CCDC195: variants seen among roughly 807,000 people sequenced by gnomAD.
CCDC195 encodes coiled-coil domain containing 195.
intron 2 of CCDC195, among the ~76,000 whole-genome samples, chr2:224,707,295 C>T (rs1016574404): frequency 2.0e-5 from 3 of 152,224 alleles, no homozygotes; most frequent in African/African-American, 7.2e-5. Context: ...TCACTGGAAT[C>T]GGGTAGAAGG....
At chr2:224,712,225 T>A (rs1205074502) in intron 1 of CCDC195, among the ~76,000 whole-genome samples, 2 of 152,164 alleles carry the variant, frequency 1.3e-5, no homozygotes, top group Non-Finnish European at 2.9e-5. Flanking sequence ...TTAGAACATT[T>A]TCAAAGATCA....
At chr2:224,704,991 TAACAACC>T (rs962926149) in intron 2 of CCDC195, among the ~76,000 whole-genome samples, 6 of 152,132 alleles carry the variant, frequency 3.9e-5, no homozygotes, top group Non-Finnish European at 8.8e-5. Context: ...AATAAAATAA[TAACAACC>T]ACTGCCACTT....
At chr2:224,715,890 G>A (rs1034645096) in intron 1 of CCDC195, among the ~76,000 whole-genome samples, 3 of 152,170 alleles carry the variant, frequency 2.0e-5, no homozygotes, top group Admixed American at 2.0e-4. Flanking sequence ...CCACAAACCT[G>A]TCTCTCTTAT....
At chr2:224,707,241 A>G (rs1482430562) in intron 2 of CCDC195, among the ~76,000 whole-genome samples, 1 of 152,226 alleles carries the variant, frequency 6.6e-6, no homozygotes, top group Non-Finnish European at 1.5e-5. Flanking sequence ...ACAAAATGAA[A>G]AGAACATGTT....
chr2:224,704,610 C>CTTTTTTTTTTTTTTTTTTTTTTTTTTTT (rs55801561), intron 2 of CCDC195, among the ~76,000 whole-genome samples: 1 of 110,646 alleles, frequency 9.0e-6, no homozygotes, highest in African/African-American at 3.5e-5. Context: ...CTTTTCTTTT[C>CTTTTTTTTTTTTTTTTTTTTTTTTTTTT]TTTTTTTTTT....
chr2:224,715,054 C>T lies in CCDC195; in HGVS notation c.235+1077G>A, dbSNP rs373821961. Among the ~76,000 whole-genome samples, 18 of 152,046 alleles carry T rather than the reference C, an allele frequency of 1.2e-4. No homozygotes were observed. In the East Asian group the frequency reaches 2.7e-3, roughly 23 times the overall value. On this transcript the variant is annotated intron_variant, in intron 1 of 2. Coordinates refer to ENST00000638102, the Ensembl canonical transcript of CCDC195. ...AGTGATTCTCCTGCCTCAGCCTCCC[C>T]AGTAGCTGAGATTACAGGTGTGCGC...
chr2:224,713,148 T>A lies in CCDC195; in HGVS notation c.236-2929A>T, dbSNP rs777193136. ...TCCCAAAGTGCTGAGATTTCAGGAG[T>A]GAGCCACTGTGCCTGGCCTCTAACG... On this transcript the variant is annotated intron_variant, in intron 1 of 2. Transcript: ENST00000638102. Among the ~76,000 whole-genome samples the A allele has an allele frequency of 3.1e-4, 47 of 152,150 alleles. 1 individual carries two copies. The highest frequency in any genetic ancestry group is 9.8e-4 in the Admixed American group (15 of 15,276).
chr2:224,709,651 A>G (rs1689289233), intron 2 of CCDC195, among the ~76,000 whole-genome samples: 1 of 152,136 alleles, frequency 6.6e-6, no homozygotes, highest in East Asian at 1.9e-4. Flanking sequence ...TTGTCACTTA[A>G]TGAGAGTTTT....
intron 2 of CCDC195, among the ~76,000 whole-genome samples, chr2:224,709,519 A>T (rs1689283372): frequency 1.3e-5 from 2 of 152,162 alleles, no homozygotes; most frequent in African/African-American, 4.8e-5. Flanking sequence ...AACGCCCACT[A>T]AGGCACCTGC....
chr2:224,704,599 TC>T (rs1475536039), intron 2 of CCDC195, among the ~76,000 whole-genome samples: 53 of 101,258 alleles, frequency 5.2e-4, no homozygotes, highest in African/African-American at 2.2e-3. Flanking sequence ...CTTTTTTTTT[TC>T]TTTTCTTTTC....
At chr2:224,715,647 C>T (rs994307157) in intron 1 of CCDC195, among the ~76,000 whole-genome samples, 1 of 152,154 alleles carries the variant, frequency 6.6e-6, no homozygotes, top group African/African-American at 2.4e-5. Context: ...ATGAAGAAAA[C>T]AAAGATTAAA....
At chr2:224,704,600 CTTTTCTTTTCT>C (rs1697215571) in intron 2 of CCDC195, among the ~76,000 whole-genome samples, 1 of 69,534 alleles carries the variant, frequency 1.4e-5, no homozygotes, top group Non-Finnish European at 3.0e-5. Context: ...TTTTTTTTTT[CTTTTCTTTTCT>C]TTTTTTTTTT....
intron 1 of CCDC195, among the ~76,000 whole-genome samples, chr2:224,714,376 A>G (rs1689356269): frequency 6.6e-6 from 1 of 151,120 alleles, no homozygotes; most frequent in South Asian, 2.1e-4. Context: ...CTTTTCTGTT[A>G]GGATAAGTCC....
chr2:224,709,086 C>CTTTTTTTT (rs35179742), intron 2 of CCDC195, among the ~76,000 whole-genome samples: 25 of 95,750 alleles, frequency 2.6e-4, no homozygotes, highest in South Asian at 4.0e-4. Flanking sequence ...TTTCTTTTGT[C>CTTTTTTTT]TTTTTTTTTT....
At chr2:224,712,615 A>G (rs1448428467) in intron 1 of CCDC195, among the ~76,000 whole-genome samples, 4 of 152,190 alleles carry the variant, frequency 2.6e-5, no homozygotes, top group African/African-American at 9.7e-5. Context: ...ACACATACCA[A>G]GGAACACACG....
rs538905359 is a variant in CCDC195, at chr2:224,710,452, C to T, written c.236-233G>A. Among the ~76,000 whole-genome samples the T allele has an allele frequency of 5.3e-5, 8 of 152,258 alleles. No homozygotes were observed. The East Asian group carries it at 1.4e-3, about 26-fold the overall frequency. On this transcript the variant is annotated intron_variant, in intron 1 of 2. Transcript: ENST00000638102. The stretch of plus-strand genomic sequence containing the variant: ...GGTCAGGCGATGGTGACCATCCTGG[C>T]CAATATGAAACCCTGTATCTACTAA...
chr2:224,712,801 T>C (rs1689331223), intron 1 of CCDC195, among the ~76,000 whole-genome samples: 1 of 152,236 alleles, frequency 6.6e-6, no homozygotes, highest in African/African-American at 2.4e-5. Context: ...ATGAGGCTTA[T>C]ATTTTCAACT....
At chr2:224,711,361 GTT>G (rs563860657) in intron 1 of CCDC195, among the ~76,000 whole-genome samples, 1,429 of 138,080 alleles carry the variant, frequency 0.01, 18 homozygotes, top group African/African-American at 0.036. Flanking sequence ...AATCTTCCCT[GTT>G]TTTTTTTTTT....
At chr2:224,710,047 C>A (rs556746413) in exon 2 of CCDC195, 4 of 398,462 alleles carry the variant, frequency 1.0e-5, no homozygotes, top group South Asian at 2.5e-4. Context: ...TGGCAAACAC[C>A]TTTTCTTCCA....
Sources: gnomAD v4.1 joint callset for allele counts (sites outside exome capture counted in the v4.1 genomes callset) on GRCh38, gnomAD v4.1.1 for gene constraint, MANE v1.5 for transcripts, NCBI Gene and HGNC (gene_info 2026-07-23, HGNC 2026-07-21) for gene names.